The following KDM2B variants were observed in gnomAD, a reference collection of about 807,000 sequenced individuals.
The protein encoded by KDM2B is lysine-specific demethylase 2B.
KDM2B carries 26 observed loss-of-function variants against 150.0 expected under a neutral mutation model. The observed-to-expected ratio is 0.17, with a 90% CI of 0.13 to 0.24. The LOEUF is 0.24. Among genes scored for constraint, KDM2B ranks in the 10% least tolerant of loss-of-function variants. The pLI is 1.00. For synonymous variants in KDM2B, 734 were observed against 729.5 expected (o/e 1.01, Z -0.10); for missense variants, 1,265 against 1,816.9 (o/e 0.70, Z 5.52).
intron 6 of KDM2B, among the ~76,000 whole-genome samples, chr12:121,539,550 A>G (rs1310495912): frequency 6.6e-6 from 1 of 151,996 alleles, no homozygotes; most frequent in Non-Finnish European, 1.5e-5. Context: ...GGGCTCTGTG[A>G]CATTGGACTG....
chr12:121,498,132 C>T (rs1884166976), intron 11 of KDM2B, among the ~76,000 whole-genome samples: 1 of 152,042 alleles, frequency 6.6e-6, no homozygotes, highest in Non-Finnish European at 1.5e-5. Flanking sequence ...AAGTTTTTCC[C>T]TCTTTCTAAA....
In KDM2B at chr12:121,430,948, T is replaced by C. The variant is rs1555285378; in HGVS notation, c.3830-479A>G. On this transcript the variant is annotated intron_variant, in intron 22 of 22. Coordinates refer to ENST00000377071, the MANE Select transcript of KDM2B (RefSeq NM_032590.5). The surrounding 1 kb of genome is among the most constrained non-coding windows in gnomAD (Gnocchi z 4.4). ...CACAGAAAGAACATCCCTAAGGGCATCTTGGGATCATTTTTGCTTTTGCAG... is the reference window on the plus strand; with the variant it reads ...CACAGAAAGAACATCCCTAAGGGCACCTTGGGATCATTTTTGCTTTTGCAG... Among the ~76,000 whole-genome samples the C allele has an allele frequency of 6.6e-6, 1 of 152,188 alleles. No individual in the cohort carries two copies. Among genetic ancestry groups the C allele is most frequent in the East Asian group, 1.9e-4 (1 of 5,198 alleles).
chr12:121,517,969 T>A (rs1233303439), intron 9 of KDM2B, among the ~76,000 whole-genome samples: 1 of 152,058 alleles, frequency 6.6e-6, no homozygotes, highest in Non-Finnish European at 1.5e-5. Flanking sequence ...CTCAGCTCAC[T>A]GCAACCTTTG....
intron 12 of KDM2B, among the ~76,000 whole-genome samples, chr12:121,473,779 C>T (rs1428939925): frequency 6.7e-6 from 1 of 149,800 alleles, no homozygotes; most frequent in East Asian, 2.0e-4. Context: ...ATAAAATTAT[C>T]ATCACTGTTC....
At chr12:121,497,148 C>A (rs1884051796) in intron 11 of KDM2B, among the ~76,000 whole-genome samples, 2 of 151,996 alleles carry the variant, frequency 1.3e-5, no homozygotes, top group South Asian at 4.1e-4. Flanking sequence ...GGGTTTAAAT[C>A]CCAGCCCCGG....
chr12:121,461,100 G>C (rs1555293680), intron 12 of KDM2B, among the ~76,000 whole-genome samples: 1 of 152,128 alleles, frequency 6.6e-6, no homozygotes, highest in African/African-American at 2.4e-5. Context: ...AGGGAGGCTG[G>C]AAAAAGCGCC....
At chr12:121,420,879 G>A in the KDM2B span, 1 of 862,574 alleles carries the variant, frequency 1.2e-6, no homozygotes, top group African/African-American at 1.7e-5. Context: ...TTTTGAGAAA[G>A]CTGTGTACCA....
At chr12:121,421,371 T>TTAAAA in the KDM2B span, among the ~76,000 whole-genome samples, 1 of 46,378 alleles carries the variant, frequency 2.2e-5, no homozygotes, top group Non-Finnish European at 4.4e-5. Context: ...ATCCCATCTC[T>TTAAAA]AAAAAAAAAA....
At position 121,574,224 on chromosome 12, in the gene KDM2B, G is replaced by A. The variant is rs368273847; in HGVS notation, c.397+323C>T. On this transcript the variant is annotated intron_variant, in intron 4 of 22. Transcript: ENST00000377071. ...CTTAAAGTCTATGAGGGATCATAAA[G>A]CACCCAGTGTTTACCCGGCAACCCA... is the stretch of plus-strand genomic sequence containing the variant. 134 of 252,138 alleles carry A rather than the reference G, an allele frequency of 5.3e-4. No homozygotes were observed. In the South Asian group the frequency reaches 6.5e-3, roughly 12 times the overall value. 15.6% of individuals were successfully genotyped at this position (252,138 alleles called of 1,614,324 possible). A position where few individuals can be genotyped will look rare whatever the true frequency, so the allele number is the denominator to read the frequency against.
chr12:121,571,597 T>C (rs1475516143), intron 4 of KDM2B, among the ~76,000 whole-genome samples: 1 of 150,136 alleles, frequency 6.7e-6, no homozygotes, highest in Non-Finnish European at 1.5e-5. Context: ...CCCAACCAAC[T>C]TCTACATTTT....
At position 121,498,205 on chromosome 12, in the gene KDM2B, T is replaced by A. The variant is rs545322913; in HGVS notation, c.1648-3540A>T. On this transcript the variant is annotated intron_variant, in intron 11 of 22. Coordinates refer to ENST00000377071, the MANE Select transcript of KDM2B (RefSeq NM_032590.5). ...TCAGGTTTAGCCAGAGACCTCCCAT[T>A]CCCCCCTGCATGTGGGCCCCAAATG... 2.6e-3 allele frequency among the ~76,000 whole-genome samples: 394 copies of A among 152,078 alleles called. 1 individual carries two copies. The highest frequency in any genetic ancestry group is 9.1e-3 in the African/African-American group (379 of 41,482).
chr12:121,518,818 G>A lies in KDM2B; in HGVS notation c.1047+2167C>T, dbSNP rs978110602. Among the ~76,000 whole-genome samples, 1 of 152,198 alleles carries A rather than the reference G, an allele frequency of 6.6e-6. No homozygotes were observed. The highest frequency in any genetic ancestry group is 1.5e-5 in the Non-Finnish European group (1 of 68,036). On this transcript the variant is annotated intron_variant, in intron 9 of 22. Coordinates refer to ENST00000377071, the MANE Select transcript of KDM2B (RefSeq NM_032590.5). This position sits in a 1 kb window ranked among gnomAD's most constrained non-coding sequence, Gnocchi z 4.4. ...AGATTTCTCCATCTCTATTCCACACGTCTGCTCGTGCACAAACTGGCCTGT... is the reference window on the plus strand; with the variant it reads ...AGATTTCTCCATCTCTATTCCACACATCTGCTCGTGCACAAACTGGCCTGT...
chr12:121,489,992 T>A (rs984180413), intron 12 of KDM2B, among the ~76,000 whole-genome samples: 1 of 152,202 alleles, frequency 6.6e-6, no homozygotes. Context: ...ATCAGCTTCA[T>A]GACTGCGGGC....
chr12:121,562,032 C>T (rs1257135506), intron 4 of KDM2B, among the ~76,000 whole-genome samples: 9 of 151,108 alleles, frequency 6.0e-5, no homozygotes, highest in African/African-American at 2.2e-4. Flanking sequence ...ATTAGCCGGG[C>T]GTGGTGGTGC....
intron 12 of KDM2B, among the ~76,000 whole-genome samples, chr12:121,466,077 A>G (rs1879862251): frequency 6.6e-6 from 1 of 152,042 alleles, no homozygotes; most frequent in South Asian, 2.1e-4. Flanking sequence ...ACTTAATACT[A>G]CGTATAATAC....
intron 4 of KDM2B, among the ~76,000 whole-genome samples, chr12:121,568,842 C>T (rs1241211680): frequency 8.4e-6 from 1 of 119,360 alleles, no homozygotes; most frequent in Non-Finnish European, 1.7e-5. Context: ...TACAGTGTTA[C>T]AGAAATGGAA....
chr12:121,502,605 A>C lies in KDM2B; in HGVS notation c.1647+6962T>G, dbSNP rs140291931. 2.0e-5 allele frequency among the ~76,000 whole-genome samples: 3 copies of C among 151,362 alleles called. No individual in the cohort carries two copies. The East Asian group carries it at 5.9e-4, about 30-fold the overall frequency. ...CACTGCAGTCCAGCCTGGGCAACAG[A>C]GAGAGACTCGGACTCAAAAAAAAAG... is the stretch of plus-strand genomic sequence containing the variant. On this transcript the variant is annotated intron_variant, in intron 11 of 22. Transcript: ENST00000377071.
intron 11 of KDM2B, among the ~76,000 whole-genome samples, chr12:121,496,972 G>A (rs954622126): frequency 2.0e-5 from 3 of 151,860 alleles, no homozygotes; most frequent in South Asian, 2.1e-4. Context: ...GCCACTGCAC[G>A]CCTATCATAC....
chr12:121,502,118 C>T (rs192074050), intron 11 of KDM2B, among the ~76,000 whole-genome samples: 17 of 152,262 alleles, frequency 1.1e-4, no homozygotes, highest in African/African-American at 3.6e-4. Context: ...CACATTTGAC[C>T]CTGCACCGGC....
Sources: allele counts gnomAD v4.1 joint callset (sites outside exome capture counted in the v4.1 genomes callset), GRCh38; gene constraint gnomAD v4.1.1; non-coding constraint Gnocchi (gnomAD v3.1); transcripts MANE v1.5; gene names NCBI Gene and HGNC (gene_info 2026-07-23, HGNC 2026-07-21).